SPIDR: variants seen among roughly 807,000 people sequenced by gnomAD.
The protein encoded by SPIDR is DNA repair-scaffolding protein.
In SPIDR, 93 loss-of-function variants were observed where a neutral mutation model predicts 104.6. That is an observed-to-expected ratio of 0.89 (90% CI 0.75 to 1.06). SPIDR has a LOEUF of 1.06. Ranked by LOEUF, SPIDR falls within the 50% of genes least tolerant of loss-of-function variation. The pLI is 0.00. For synonymous variants in SPIDR, 431 were observed against 416.9 expected (o/e 1.03, Z -0.41); for missense variants, 1,154 against 1,111.2 (o/e 1.04, Z -0.55).
At chr8:47,512,773 G>A (rs778866417) in intron 8 of SPIDR, among the ~76,000 whole-genome samples, 8 of 152,134 alleles carry the variant, frequency 5.3e-5, no homozygotes, top group African/African-American at 9.7e-5. Context: ...AAAGTATTGC[G>A]GGGGAGGCAC....
At chr8:47,430,652 C>T (rs1259713015) in intron 7 of SPIDR, among the ~76,000 whole-genome samples, 2 of 152,178 alleles carry the variant, frequency 1.3e-5, no homozygotes, top group African/African-American at 2.4e-5. Context: ...TTATAGTGAC[C>T]ACCCATAATT....
chr8:47,644,479 G>T (rs1473034915), intron 10 of SPIDR, among the ~76,000 whole-genome samples: 1 of 152,184 alleles, frequency 6.6e-6, no homozygotes, highest in Non-Finnish European at 1.5e-5. Flanking sequence ...CTCGTGTTGG[G>T]TTTAGGAATA....
At chr8:47,594,654 G>A (rs2154422106) in intron 8 of SPIDR, among the ~76,000 whole-genome samples, 1 of 152,138 alleles carries the variant, frequency 6.6e-6, no homozygotes, top group East Asian at 1.9e-4. Context: ...TACTGTTTCC[G>A]GGTTGCTGGC....
At chr8:47,261,044 G>C in intron 1 of SPIDR, 53 bp downstream of exon 1, 1 of 1,224,968 alleles carries the variant, frequency 8.2e-7, no homozygotes, top group South Asian at 4.1e-5. Context: ...TTGCGGGGAA[G>C]CGGCGGGCCG....
At chr8:47,393,753 CTCTT>C (rs558052855) in intron 5 of SPIDR, among the ~76,000 whole-genome samples, 85 of 120,854 alleles carry the variant, frequency 7.0e-4, no homozygotes, top group Middle Eastern at 5.7e-3. Flanking sequence ...TTCTTTCGTT[CTCTT>C]TCTTTCTGTC....
chr8:47,422,322 C>G (rs2065650809), intron 7 of SPIDR, among the ~76,000 whole-genome samples: 1 of 152,206 alleles, frequency 6.6e-6, no homozygotes, highest in Admixed American at 6.5e-5. Flanking sequence ...GCTCCCCTCC[C>G]CCAGCCTCAC....
intron 5 of SPIDR, among the ~76,000 whole-genome samples, chr8:47,316,789 A>G (rs1457353547): frequency 6.6e-6 from 1 of 152,212 alleles, no homozygotes; most frequent in East Asian, 1.9e-4. Context: ...TGCTATATGT[A>G]TATGTTAAAA....
At chr8:47,321,484 A>G (rs1772924710) in intron 5 of SPIDR, among the ~76,000 whole-genome samples, 1 of 152,254 alleles carries the variant, frequency 6.6e-6, no homozygotes, top group African/African-American at 2.4e-5. Context: ...GCTCATGGAC[A>G]GGAAGAATCA....
intron 8 of SPIDR, among the ~76,000 whole-genome samples, chr8:47,553,443 C>G (rs1333497296): frequency 1.3e-5 from 2 of 152,150 alleles, no homozygotes; most frequent in Non-Finnish European, 2.9e-5. Context: ...TTGTTCGTTT[C>G]TTTTTACTCT....
At chr8:47,375,161 T>C (rs1049479756) in intron 5 of SPIDR, among the ~76,000 whole-genome samples, 3 of 151,870 alleles carry the variant, frequency 2.0e-5, no homozygotes, top group Non-Finnish European at 4.4e-5. Context: ...TTTCTTACTT[T>C]GCTTTGTCTA....
At chr8:47,617,988 C>T (rs1400883954) in intron 10 of SPIDR, among the ~76,000 whole-genome samples, 2 of 152,154 alleles carry the variant, frequency 1.3e-5, no homozygotes, top group Non-Finnish European at 2.9e-5. Context: ...CTTGCCACAG[C>T]TTTGGGTACG....
chr8:47,276,493 A>T (rs2036449552), intron 1 of SPIDR, among the ~76,000 whole-genome samples: 1 of 152,200 alleles, frequency 6.6e-6, no homozygotes. Flanking sequence ...TTTACATATT[A>T]TTAAAATGTA....
chr8:47,511,884 T>G (rs1407787084), intron 8 of SPIDR: 1 of 803,460 alleles, frequency 1.2e-6, no homozygotes, highest in African/African-American at 1.7e-5. Context: ...CTTCCTCCTC[T>G]TCCTCATCCT....
chr8:47,635,403 A>G (rs1588649345), intron 10 of SPIDR, among the ~76,000 whole-genome samples: 1 of 152,314 alleles, frequency 6.6e-6, no homozygotes, highest in East Asian at 1.9e-4. Context: ...TGAAAGGATA[A>G]ATGCTTGAGG....
intron 7 of SPIDR, among the ~76,000 whole-genome samples, chr8:47,423,128 A>T (rs1005259838): frequency 2.0e-5 from 3 of 151,822 alleles, no homozygotes; most frequent in Non-Finnish European, 4.4e-5. Flanking sequence ...ACATGGTGAA[A>T]CCCCGTCTCT....
chr8:47,358,062 A>G (rs952092266), intron 5 of SPIDR, among the ~76,000 whole-genome samples: 9 of 152,008 alleles, frequency 5.9e-5, no homozygotes, highest in African/African-American at 2.2e-4. Flanking sequence ...AGACTATTTT[A>G]TTTTTTATTT....
intron 8 of SPIDR, among the ~76,000 whole-genome samples, chr8:47,459,997 G>A (rs1168268324): frequency 6.6e-6 from 1 of 151,418 alleles, no homozygotes; most frequent in Non-Finnish European, 1.5e-5. Flanking sequence ...TGGTCTGAAA[G>A]AGTACTTGAT....
chr8:47,606,661 A>C (rs538599012), intron 10 of SPIDR, among the ~76,000 whole-genome samples: 1 of 152,116 alleles, frequency 6.6e-6, no homozygotes, highest in Non-Finnish European at 1.5e-5. Flanking sequence ...TAGCCTTTGC[A>C]TGTGTTTGGA....
chr8:47,662,276 G>A (rs1401963202), intron 10 of SPIDR, among the ~76,000 whole-genome samples: 1 of 152,172 alleles, frequency 6.6e-6, no homozygotes, highest in Non-Finnish European at 1.5e-5. Flanking sequence ...GGACTCACAA[G>A]CCCATGCCTC....
Sources: allele counts gnomAD v4.1 joint callset (sites outside exome capture counted in the v4.1 genomes callset), GRCh38; gene constraint gnomAD v4.1.1; transcripts MANE v1.5; gene names NCBI Gene and HGNC (gene_info 2026-07-23, HGNC 2026-07-21).